IL19: variants seen among roughly 807,000 people sequenced by gnomAD.
The protein encoded by IL19 is interleukin 19, also known as interleukin-19.
Under a neutral mutation model 19.5 loss-of-function variants are expected in IL19, and 15 were observed. The observed-to-expected ratio is 0.77, with a 90% CI of 0.52 to 1.19. IL19 has a LOEUF of 1.19. Ranked by LOEUF, IL19 falls within the 50% of genes most tolerant of loss-of-function variation. The pLI, the probability that IL19 is intolerant of heterozygous loss-of-function variation, is 0.00. For synonymous variants in IL19, 78 were observed against 78.3 expected, an observed-to-expected ratio of 1.00 and a Z score of 0.02; for missense variants, 199 against 213.1, an observed-to-expected ratio of 0.93 and a Z score of 0.41.
In IL19 at chr1:206,835,441, C is replaced by T. The variant is rs79336973; in HGVS notation, c.-2-1220C>T. Among the ~76,000 whole-genome samples the T allele has an allele frequency of 2.4e-4, 37 of 152,242 alleles. No individual in the cohort carries two copies. The South Asian group carries it at 3.5e-3, about 14-fold the overall frequency. ...TGATGCCCAGTTAAGGAGAGACAGGCAAAAATGGTTTCTAAACAGGATTTG... is the reference window on the plus strand; with the variant it reads ...TGATGCCCAGTTAAGGAGAGACAGGTAAAAATGGTTTCTAAACAGGATTTG... On this transcript the variant is annotated intron_variant, in intron 2 of 6. Coordinates refer to ENST00000659997, the MANE Select transcript of IL19 (RefSeq NM_153758.5).
intron 1 of IL19, among the ~76,000 whole-genome samples, chr1:206,792,779 C>A (rs927725807): frequency 2.6e-5 from 4 of 151,890 alleles, no homozygotes; most frequent in Non-Finnish European, 5.9e-5. Context: ...CTCTTAAGCC[C>A]ATCTTATAGG....
intron 2 of IL19, among the ~76,000 whole-genome samples, chr1:206,804,217 C>A (rs1163397986): frequency 6.6e-6 from 1 of 152,160 alleles, no homozygotes; most frequent in African/African-American, 2.4e-5. Context: ...ATGACAACTG[C>A]AGAATGTGGC....
At chr1:206,778,166 G>A (rs1009261241) in intron 1 of IL19, among the ~76,000 whole-genome samples, 16 of 152,368 alleles carry the variant, frequency 1.1e-4, no homozygotes, top group African/African-American at 3.8e-4. Flanking sequence ...ATGGCCGGCA[G>A]ACACTGCAAA....
intron 2 of IL19, among the ~76,000 whole-genome samples, chr1:206,831,061 T>C (rs1164903113): frequency 2.0e-5 from 3 of 152,100 alleles, no homozygotes; most frequent in Admixed American, 6.5e-5. Flanking sequence ...CAGAAGGCAA[T>C]AGGCATGGTA....
chr1:206,839,757 T>A (rs1676936408), intron 4 of IL19, 93 bp from the exon 5 acceptor site: 1 of 1,096,418 alleles, frequency 9.1e-7, no homozygotes, highest in Admixed American at 2.3e-5. Context: ...TTTAGTTCTC[T>A]CATGTGTCGC....
chr1:206,840,871 C>G, intron 5 of IL19, 133 bp from the exon 6 acceptor site: 1 of 718,006 alleles, frequency 1.4e-6, no homozygotes, highest in East Asian at 2.7e-5. Context: ...GTGGCTGCTC[C>G]CACCTGAGTT....
chr1:206,775,702 C>A (rs1377374228), intron 1 of IL19, among the ~76,000 whole-genome samples: 4 of 152,222 alleles, frequency 2.6e-5, no homozygotes, highest in African/African-American at 7.2e-5. Context: ...TGAAAAGTCA[C>A]TGGGGTCCAC....
At chr1:206,772,166 G>T in intron 1 of IL19, 1 of 967,270 alleles carries the variant, frequency 1.0e-6, no homozygotes, top group East Asian at 2.5e-5. Flanking sequence ...ATAGGTGTTG[G>T]GGATGGAGGT....
chr1:206,808,018 T>A (rs1675893889), intron 2 of IL19, among the ~76,000 whole-genome samples: 1 of 152,228 alleles, frequency 6.6e-6, no homozygotes, highest in African/African-American at 2.4e-5. Flanking sequence ...GTGCTTTTGG[T>A]TCCTAATTTG....
rs1031477080 is a variant in IL19 at position 206,842,719 on chromosome 1, C to T, written c.*97C>T. ...TTGAAGGGGAAGGAGATGGGGAAGG[C>T]CCCTTGCAGCTGAAAGTCCCACTGG... On this transcript the variant is annotated 3_prime_UTR_variant, in exon 7 of 7. Coordinates refer to ENST00000659997, the MANE Select transcript of IL19 (RefSeq NM_153758.5). The T allele has an allele frequency of 1.4e-6, 1 of 700,960 alleles. No homozygotes were observed. The highest frequency in any genetic ancestry group is 2.8e-5 in the East Asian group (1 of 35,516). 43.4% of individuals were successfully genotyped at this position (700,960 alleles called of 1,614,324 possible).
chr1:206,798,778 C>A, intron 1 of IL19, 83 bp from the exon 2 acceptor site: 1 of 697,478 alleles, frequency 1.4e-6, no homozygotes, highest in Non-Finnish European at 2.4e-6. Context: ...CGTGTGTGCA[C>A]TTTTGCCGAC....
chr1:206,836,841 G>T, intron 3 of IL19, 35 bp downstream of exon 3: 1 of 1,611,062 alleles, frequency 6.2e-7, no homozygotes, highest in Non-Finnish European at 8.5e-7. Flanking sequence ...GTGGATGACG[G>T]AGTATCCCTC....
chr1:206,802,660 T>A lies in IL19; in HGVS notation c.-3+3654T>A, dbSNP rs182248514. Among the ~76,000 whole-genome samples the A allele has an allele frequency of 2.0e-5, 3 of 151,568 alleles. No homozygotes were observed. In the East Asian group the frequency reaches 5.8e-4, roughly 29 times the overall value. ...CCTGGTGACATAATGAGGGTACAAA[T>A]TTTCAATTTTTTTTTTCTTTTTTTT... On this transcript the variant is annotated intron_variant, in intron 2 of 6. Transcript: ENST00000659997.
At chr1:206,826,312 C>T (rs913823405) in intron 2 of IL19, among the ~76,000 whole-genome samples, 2 of 152,130 alleles carry the variant, frequency 1.3e-5, no homozygotes, top group Non-Finnish European at 2.9e-5. Flanking sequence ...GTCCCCAGGA[C>T]ATGGTGGAGA....
At chr1:206,834,631 A>C (rs1226819034) in intron 2 of IL19, among the ~76,000 whole-genome samples, 1 of 152,212 alleles carries the variant, frequency 6.6e-6, no homozygotes, top group Non-Finnish European at 1.5e-5. Context: ...AAGGAAGGAA[A>C]GGTCAAGGAT....
chr1:206,781,859 A>G (rs1386534453), intron 1 of IL19, among the ~76,000 whole-genome samples: 5 of 140,074 alleles, frequency 3.6e-5, no homozygotes, highest in Non-Finnish European at 4.6e-5. Flanking sequence ...ATACATATAT[A>G]TGTATATAGT....
intron 1 of IL19, among the ~76,000 whole-genome samples, chr1:206,788,999 A>G (rs1474375337): frequency 1.2e-4 from 19 of 152,244 alleles, no homozygotes; most frequent in Non-Finnish European, 2.9e-5. Flanking sequence ...TGATCAAGAT[A>G]TAAAAGATGG....
rs765434907 is a variant in IL19 at position 206,841,152 on chromosome 1, C to T, written c.438+74C>T. 3.0e-4 allele frequency: 347 copies of T among 1,144,988 alleles called. 1 individual carries two copies. Among genetic ancestry groups the T allele is most frequent in the Middle Eastern group, 7.8e-4 (4 of 5,154 alleles). The allele number at this position is 1,144,988 out of a possible 1,614,324, so 70.9% of individuals were successfully genotyped here. On this transcript the variant is annotated intron_variant, in intron 6 of 6. Transcript: ENST00000659997. Reference sequence around the variant, plus strand: ...AGGAGGGTGCCAGGCCTTCAGCCTCCTCTCCACTTAAATTCATGCATTCAC... The same window carrying T: ...AGGAGGGTGCCAGGCCTTCAGCCTCTTCTCCACTTAAATTCATGCATTCAC...
At chr1:206,807,571 C>A (rs571231974) in intron 2 of IL19, among the ~76,000 whole-genome samples, 1 of 152,328 alleles carries the variant, frequency 6.6e-6, no homozygotes, top group South Asian at 2.1e-4. Flanking sequence ...ATCACCTCTT[C>A]AGATGTTCTC....
Sources: allele counts gnomAD v4.1 joint callset (sites outside exome capture counted in the v4.1 genomes callset), GRCh38; gene constraint gnomAD v4.1.1; transcripts MANE v1.5; gene names NCBI Gene and HGNC (gene_info 2026-07-23, HGNC 2026-07-21).